ZFHX4: variants seen among roughly 807,000 people sequenced by gnomAD.
ZFHX4 encodes the protein zinc finger homeobox 4.
Under a neutral mutation model 267.6 loss-of-function variants are expected in ZFHX4, and 56 were observed. The observed-to-expected ratio is 0.21, with a 90% confidence interval of 0.17 to 0.26. The LOEUF is 0.26. Ranked by LOEUF, ZFHX4 falls within the 10% of genes least tolerant of loss-of-function variation. The pLI is 1.00. For synonymous variants in ZFHX4, 1,778 were observed against 1,665.6 expected (o/e 1.07, Z -1.64); for missense variants, 4,332 against 4,420.0 (o/e 0.98, Z 0.56).
chr8:76,736,597 T>C (rs1481594124), intron 3 of ZFHX4, among the ~76,000 whole-genome samples: 1 of 130,638 alleles, frequency 7.7e-6, no homozygotes, highest in African/African-American at 4.0e-5. Flanking sequence ...TGCCTCTGAT[T>C]TTACTTGGAA....
rs937767091 is a variant in ZFHX4 at position 76,705,890 on chromosome 8, C to T, written c.1802C>T (p.Pro601Leu). The change falls in exon 2 of 11, where the codon CCA becomes CTA. Residue 601 changes from proline (P) to leucine (L), a missense_variant. Physicochemically the swap from Pro to Leu is moderately conservative, Grantham distance 98. Transcript: ENST00000651372. ...TTTACCCCGAGTACTCCTGGCACAC[C>T]AGGGCCTGGAGGAGACGGCTCACCG... is the stretch of plus-strand genomic sequence containing the variant. Reference protein sequence around the residue: ...HGFTPSTPGTPGPGGDGSPGS... With the variant: ...HGFTPSTPGTLGPGGDGSPGS... The T allele has an allele frequency of 1.2e-6, 2 of 1,613,756 alleles. No individual in the cohort carries two copies. The highest frequency in any genetic ancestry group is 3.3e-5 in the Admixed American group (2 of 60,010).
At chr8:76,816,590 CTTTTTTTTT>C (rs950143569) in intron 4 of ZFHX4, among the ~76,000 whole-genome samples, 5 of 113,024 alleles carry the variant, frequency 4.4e-5, no homozygotes, top group Non-Finnish European at 5.4e-5. Context: ...ATTTAAATGT[CTTTTTTTTT>C]TTTTTTTTTT....
At position 76,851,554 on chromosome 8, in the gene ZFHX4, G is replaced by A. The variant is rs1433614931; in HGVS notation, c.4633G>A (p.Val1545Met). 7 of 1,613,928 alleles carry A rather than the reference G, an allele frequency of 4.3e-6. No homozygotes were observed. Among genetic ancestry groups the A allele is most frequent in the Non-Finnish European group, 5.9e-6 (7 of 1,179,876 alleles). ...LDPSRPYKCT[V>M]CKESFTQKNI... ...TCCATCTCGTCCATATAAATGTACAGTGTGTAAAGAGTCATTCACCCAAAA... is the reference window on the plus strand; with the variant it reads ...TCCATCTCGTCCATATAAATGTACAATGTGTAAAGAGTCATTCACCCAAAA... The change falls in exon 10 of 11, where the codon GTG becomes ATG. Residue 1545 changes from valine to methionine, a missense_variant. This residue lies in a region of ZFHX4 where 1,371 missense variants were observed against 1,423.1 expected (regional missense o/e 0.96). Transcript: ENST00000651372.
intron 1 of ZFHX4, among the ~76,000 whole-genome samples, chr8:76,684,953 A>G (rs1021134192): frequency 4.6e-5 from 7 of 152,210 alleles, no homozygotes; most frequent in African/African-American, 1.7e-4. Context: ...TAATAACAAT[A>G]TTAGATCCTG....
chr8:76,863,417 G>A lies in ZFHX4; in HGVS notation c.9703G>A (p.Glu3235Lys), dbSNP rs1403930759. 1.2e-6 allele frequency: 2 copies of A among 1,613,984 alleles called. No individual in the cohort carries two copies. Among genetic ancestry groups the A allele is most frequent in the Non-Finnish European group, 8.5e-7 (1 of 1,179,868 alleles). The change falls in exon 11 of 11, where the codon GAA (glutamate) becomes AAA (lysine). Residue 3235 changes from glutamate (E) to lysine (K), a missense_variant. Transcript: ENST00000651372. ...TTCAGTGTTGGGCAAAGTTGTAGGTGAAACACATGTCGATCCTATTCAGTT... is the reference window on the plus strand; with the variant it reads ...TTCAGTGTTGGGCAAAGTTGTAGGTAAAACACATGTCGATCCTATTCAGTT... ...ALSVLGKVVG[E>K]THVDPIQLQA...
chr8:76,781,735 C>G (rs2131780958), intron 4 of ZFHX4, among the ~76,000 whole-genome samples: 1 of 152,136 alleles, frequency 6.6e-6, no homozygotes, highest in Middle Eastern at 3.4e-3. Context: ...TTCCTTACTA[C>G]TTAGCAGCTG....
At position 76,804,164 on chromosome 8, in the gene ZFHX4, T is replaced by C. The variant is rs554594371; in HGVS notation, c.3325+25725T>C. On this transcript the variant is annotated intron_variant, in intron 4 of 10. Transcript: ENST00000651372. ...AGCCTGTAGCTGTGTAAAGTCATGA[T>C]TGATTTAACATCAGGTAATTTGTGA... is the stretch of plus-strand genomic sequence containing the variant. 5.9e-5 allele frequency among the ~76,000 whole-genome samples: 9 copies of C among 152,246 alleles called. No homozygotes were observed. In the East Asian group the frequency reaches 7.7e-4, roughly 13 times the overall value.
chr8:76,767,764 A>G (rs1486424139), intron 3 of ZFHX4, among the ~76,000 whole-genome samples: 1 of 152,198 alleles, frequency 6.6e-6, no homozygotes, highest in Non-Finnish European at 1.5e-5. Context: ...TCCTAAATAT[A>G]GTATGTTTCC....
At chr8:76,819,685 C>T (rs994566388) in intron 4 of ZFHX4, among the ~76,000 whole-genome samples, 1 of 152,208 alleles carries the variant, frequency 6.6e-6, no homozygotes, top group Admixed American at 6.5e-5. Flanking sequence ...AAGTATTGTG[C>T]AACCGTTTCA....
intron 2 of ZFHX4, 134 bp downstream of exon 2, chr8:76,706,812 G>T (rs1305198245): frequency 2.0e-6 from 2 of 1,020,704 alleles, no homozygotes; most frequent in East Asian, 5.5e-5. Flanking sequence ...TCTTTAAGCT[G>T]GATAATCAAA....
At chr8:76,681,781 C>T (rs1244437095) in intron 1 of ZFHX4, among the ~76,000 whole-genome samples, 161 bp downstream of exon 1, 1 of 152,076 alleles carries the variant, frequency 6.6e-6, no homozygotes, top group Non-Finnish European at 1.5e-5. Flanking sequence ...CGCTCCTGCT[C>T]GCTGTCGCAC....
intron 4 of ZFHX4, among the ~76,000 whole-genome samples, chr8:76,778,681 G>A (rs570485520): frequency 1.3e-5 from 2 of 152,284 alleles, no homozygotes; most frequent in East Asian, 1.9e-4. Context: ...GCATGCAGGA[G>A]GTTATGAAAC....
rs953053081 is a variant in ZFHX4 at position 76,813,936 on chromosome 8, CT to C, written c.3326-19393del. ...TTTATATTACAGAAAAAAATGCAAT[CT>C]TTTTTTTTCTTTAAAAGAGGAGTAC... On this transcript the variant is annotated intron_variant, in intron 4 of 10. Coordinates refer to ENST00000651372, the MANE Select transcript of ZFHX4 (RefSeq NM_024721.5). 4.1e-3 allele frequency among the ~76,000 whole-genome samples: 626 copies of C among 151,406 alleles called. 4 individuals are homozygous for C. Among genetic ancestry groups the C allele is most frequent in the African/African-American group, 0.014 (580 of 41,298 alleles).
intron 4 of ZFHX4, among the ~76,000 whole-genome samples, chr8:76,820,611 G>C (rs1811624126): frequency 6.6e-6 from 1 of 152,086 alleles, no homozygotes; most frequent in Non-Finnish European, 1.5e-5. Flanking sequence ...TAAAATACAT[G>C]TGCCATATGC....
chr8:76,723,249 T>C (rs1808770709), intron 3 of ZFHX4, among the ~76,000 whole-genome samples: 1 of 151,994 alleles, frequency 6.6e-6, no homozygotes, highest in Non-Finnish European at 1.5e-5. Flanking sequence ...TTTGGTATGA[T>C]ACAACAATTT....
chr8:76,827,779 G>A (rs1811825244), intron 4 of ZFHX4, among the ~76,000 whole-genome samples: 1 of 152,118 alleles, frequency 6.6e-6, no homozygotes, highest in East Asian at 1.9e-4. Context: ...CCAGGAGATA[G>A]TACTCCCTTA....
chr8:76,692,496 A>C (rs572956498), intron 1 of ZFHX4, among the ~76,000 whole-genome samples: 1 of 152,172 alleles, frequency 6.6e-6, no homozygotes, highest in African/African-American at 2.4e-5. Flanking sequence ...ACATTATGAA[A>C]CCTTAAATTT....
chr8:76,765,414 A>G (rs905029005), intron 3 of ZFHX4, among the ~76,000 whole-genome samples: 1 of 152,192 alleles, frequency 6.6e-6, no homozygotes, highest in East Asian at 1.9e-4. Flanking sequence ...CAGAGGCTAT[A>G]GCTTGGTTTA....
intron 3 of ZFHX4, among the ~76,000 whole-genome samples, chr8:76,724,525 T>C (rs2083043110): frequency 6.6e-6 from 1 of 152,006 alleles, no homozygotes; most frequent in Admixed American, 6.6e-5. Flanking sequence ...GTAGGAAAAA[T>C]GGCAAGCGTT....
Sources: gnomAD v4.1 joint callset for allele counts (sites outside exome capture counted in the v4.1 genomes callset) on GRCh38, gnomAD v4.1.1 for gene constraint, gnomAD v4.1.1 regional missense constraint, MANE v1.5 for transcripts, NCBI Gene and HGNC (gene_info 2026-07-23, HGNC 2026-07-21) for gene names.